Variants in GHR observed in about 807,000 individuals in gnomAD.
The protein encoded by GHR is GH receptor.
In GHR, 35 loss-of-function variants were observed where a neutral mutation model predicts 67.1. The ratio of observed to expected loss-of-function variants is 0.52; its 90% CI spans 0.40 to 0.69. GHR has a LOEUF of 0.69. Among genes scored for constraint, GHR ranks in the 30% least tolerant of loss-of-function variants. The pLI, the probability that GHR is intolerant of heterozygous loss-of-function variation, is 0.00. For synonymous variants in GHR, 272 were observed against 269.1 expected (o/e 1.01, Z -0.10); for missense variants, 792 against 764.6 (o/e 1.04, Z -0.42).
intron 1 of GHR, chr5:42,468,335 A>C: frequency 6.4e-7 from 1 of 1,557,316 alleles, no homozygotes; most frequent in South Asian, 1.1e-5. Flanking sequence ...TTCTCTGCTC[A>C]GCAGGGGAAC....
At chr5:42,468,578 G>A (rs754081254) in intron 1 of GHR, 4 of 974,064 alleles carry the variant, frequency 4.1e-6, no homozygotes, top group African/African-American at 3.3e-5. Flanking sequence ...CACCATGGAC[G>A]GCTGCGTCTC....
At chr5:42,594,940 C>T (rs1288063579) in intron 2 of GHR, among the ~76,000 whole-genome samples, 2 of 152,044 alleles carry the variant, frequency 1.3e-5, no homozygotes, top group African/African-American at 4.8e-5. Flanking sequence ...CAAATAGTAG[C>T]TTAATATTAT....
intron 3 of GHR, among the ~76,000 whole-genome samples, chr5:42,682,043 G>A (rs1756908911): frequency 6.6e-6 from 1 of 151,938 alleles, no homozygotes; most frequent in South Asian, 2.1e-4. Context: ...TGATAGACTG[G>A]ATAAAGAAAG....
rs1250935450 is a variant in GHR at position 42,699,132 on chromosome 5, G to A, written c.440-692G>A. On this transcript the variant is annotated intron_variant, in intron 5 of 9. Coordinates refer to ENST00000230882, the MANE Select transcript of GHR (RefSeq NM_000163.5). ...CTTATGTCAGAAGAAAATATCACAT[G>A]TGGCTAGGAAGATCACAAAGCTAGG... Among the ~76,000 whole-genome samples, 127 of 152,200 alleles carry A rather than the reference G, an allele frequency of 8.3e-4. 1 individual carries two copies. Among genetic ancestry groups the A allele is most frequent in the Non-Finnish European group, 1.2e-4 (8 of 68,030 alleles).
chr5:42,718,722 T>C lies in GHR; in HGVS notation c.1215T>C (p.His405=), dbSNP rs1389556301. ...LETDFNANDI[H]EGTSEVAQPQ... ...CTGATTTCAATGCCAATGACATACA[T>C]GAGGGTACCTCAGAGGTTGCTCAGC... The change falls in exon 10 of 10, where the codon CAT becomes CAC. Residue 405 remains histidine (H), a synonymous_variant. Transcript: ENST00000230882. 19 of 1,614,000 alleles carry C rather than the reference T, an allele frequency of 1.2e-5. No homozygotes were observed. The highest frequency in any genetic ancestry group is 1.6e-5 in the Non-Finnish European group (19 of 1,180,014).
intron 1 of GHR, among the ~76,000 whole-genome samples, chr5:42,447,753 TTTC>T (rs956625096): frequency 1.5e-4 from 22 of 146,138 alleles, no homozygotes; most frequent in African/African-American, 5.3e-4. Flanking sequence ...CCTTTCTTTC[TTTC>T]TTTTCTTTCT....
intron 4 of GHR, among the ~76,000 whole-genome samples, chr5:42,690,032 T>C (rs1242796677): frequency 6.6e-6 from 1 of 152,232 alleles, no homozygotes; most frequent in African/African-American, 2.4e-5. Context: ...ACTCTCACTG[T>C]GTATATTTTT....
At chr5:42,448,216 G>A (rs191751190) in intron 1 of GHR, among the ~76,000 whole-genome samples, 25 of 152,186 alleles carry the variant, frequency 1.6e-4, no homozygotes, top group Non-Finnish European at 3.1e-4. Flanking sequence ...CACCAGTAGC[G>A]TAAAAGGGTT....
Position 42,719,010 on chromosome 5 carries a change from T to C in GHR, c.1503T>C (p.Leu501=). 6.2e-7 allele frequency: 1 copy of C among 1,607,188 alleles called. No homozygotes were observed. Among genetic ancestry groups the C allele is most frequent in the East Asian group, 2.2e-5 (1 of 44,752 alleles). ...SDITPAGSVV[L]SPGQKNKAGM... is the part of the protein sequence containing the mutation. Reference sequence around the variant, plus strand: ...TTACACCAGCAGGTAGTGTGGTCCTTTCCCCGGGCCAAAAGAATAAGGCAG... The same window carrying C: ...TTACACCAGCAGGTAGTGTGGTCCTCTCCCCGGGCCAAAAGAATAAGGCAG... Residue 501 remains leucine, a synonymous_variant, in exon 10 of 10, where the codon CTT becomes CTC. Coordinates refer to ENST00000230882, the MANE Select transcript of GHR (RefSeq NM_000163.5).
chr5:42,620,442 A>G (rs893131052), intron 2 of GHR, among the ~76,000 whole-genome samples: 2 of 152,170 alleles, frequency 1.3e-5, no homozygotes, highest in Admixed American at 1.3e-4. Context: ...CTTATTATTC[A>G]TTGGGCAGTT....
intron 1 of GHR, among the ~76,000 whole-genome samples, chr5:42,512,936 C>G (rs1004399650): frequency 6.6e-6 from 1 of 151,894 alleles, no homozygotes; most frequent in African/African-American, 2.4e-5. Context: ...TTTTGTATAC[C>G]CTGAGGTTAT....
intron 2 of GHR, among the ~76,000 whole-genome samples, chr5:42,597,276 C>T (rs1331116838): frequency 6.6e-6 from 1 of 152,112 alleles, no homozygotes; most frequent in Non-Finnish European, 1.5e-5. Context: ...ACCTGAAGAA[C>T]ATAGATAATT....
chr5:42,526,455 T>A (rs1033121926), intron 1 of GHR, among the ~76,000 whole-genome samples: 2 of 152,208 alleles, frequency 1.3e-5, no homozygotes, highest in African/African-American at 2.4e-5. Flanking sequence ...GTGCAGAAAG[T>A]TATCCAGAAG....
intron 1 of GHR, among the ~76,000 whole-genome samples, chr5:42,499,120 G>A (rs973293817): frequency 1.3e-5 from 2 of 152,190 alleles, no homozygotes; most frequent in Non-Finnish European, 1.5e-5. Context: ...TTAGCCAAAC[G>A]TGGGGAAGAG....
chr5:42,574,067 C>T (rs978454746), intron 2 of GHR, among the ~76,000 whole-genome samples: 1 of 152,190 alleles, frequency 6.6e-6, no homozygotes, highest in Non-Finnish European at 1.5e-5. Context: ...GTTTGGCTAA[C>T]ATTTAGGACA....
intron 1 of GHR, among the ~76,000 whole-genome samples, chr5:42,475,944 C>A (rs1745288490): frequency 6.7e-6 from 1 of 149,290 alleles, no homozygotes; most frequent in East Asian, 2.0e-4. Flanking sequence ...CTCGCTCTGT[C>A]ACCAGGCTGG....
chr5:42,564,874 G>A (rs2112473224), intron 1 of GHR, among the ~76,000 whole-genome samples: 1 of 152,276 alleles, frequency 6.6e-6, no homozygotes, highest in African/African-American at 2.4e-5. Context: ...GCAATTTTAT[G>A]GAAATGTTGC....
rs1747139631 is a variant in GHR at position 42,514,121 on chromosome 5, C to A, written c.-11-51743C>A. Reference sequence around the variant, plus strand: ...CTTTAACCAGAACTGACCTTGAAGACAAATGGCTAAAATAAAACATTTGCT... The same window carrying A: ...CTTTAACCAGAACTGACCTTGAAGAAAAATGGCTAAAATAAAACATTTGCT... On this transcript the variant is annotated intron_variant, in intron 1 of 9. Transcript: ENST00000230882. The A allele has an allele frequency of 4.1e-6, 4 of 984,964 alleles. No homozygotes were observed. The South Asian group carries it at 1.9e-4, about 46-fold the overall frequency. The allele number at this position is 984,964 out of a possible 1,614,324, so 61.0% of individuals were successfully genotyped here. A position where few individuals can be genotyped will look rare whatever the true frequency, so the allele number is the denominator to read the frequency against.
intron 7 of GHR, 37 bp from the exon 8 acceptor site, chr5:42,713,392 C>T (rs772456297): frequency 4.4e-6 from 4 of 912,990 alleles, no homozygotes; most frequent in African/African-American, 3.2e-5. Context: ...TTCAACTATT[C>T]GTAATTCTGA....
Sources: allele counts gnomAD v4.1 joint callset (sites outside exome capture counted in the v4.1 genomes callset), GRCh38; gene constraint gnomAD v4.1.1; transcripts MANE v1.5; gene names NCBI Gene and HGNC (gene_info 2026-07-23, HGNC 2026-07-21).